The following PXN variants were observed in gnomAD, a reference collection of about 807,000 sequenced individuals.
The protein encoded by PXN is testicular tissue protein Li 134.
A neutral mutation model predicts 103.6 loss-of-function variants in PXN; 61 were observed. That is an observed-to-expected ratio of 0.59 (90% CI 0.48 to 0.73). The LOEUF (loss-of-function observed/expected upper bound fraction) is 0.73. Among genes scored for constraint, PXN ranks in the 30% least tolerant of loss-of-function variants. PXN has a pLI of 0.00. For synonymous variants in PXN, 562 were observed against 607.8 expected, an observed-to-expected ratio of 0.92 and a Z score of 1.11; for missense variants, 1,274 against 1,460.3, an observed-to-expected ratio of 0.87 and a Z score of 2.08.
chr12:120,221,588 G>C lies in PXN; in HGVS notation c.831+35C>G. ...GGGAGGAGAAGGATGAGGGAGGGGC[G>C]GCAGGGCAGGGAAGATGGAGGGTTC... On this transcript the variant is annotated intron_variant, in intron 6 of 14. Coordinates refer to ENST00000637617, the MANE Select transcript of PXN (RefSeq NM_001385981.1). The surrounding 1 kb of genome is among the most constrained non-coding windows in gnomAD (Gnocchi z 6.6). 1 of 1,540,794 alleles carries C rather than the reference G, an allele frequency of 6.5e-7. No homozygotes were observed.
At chr12:120,263,257 G>A (rs767594181) in intron 1 of PXN, among the ~76,000 whole-genome samples, 1 of 152,210 alleles carries the variant, frequency 6.6e-6, no homozygotes, top group Non-Finnish European at 1.5e-5. Flanking sequence ...CGGGGCCCCA[G>A]TGCAAAGGCA....
chr12:120,221,542 C>A lies in PXN; in HGVS notation c.831+81G>T. 6.9e-7 allele frequency: 1 copy of A among 1,443,250 alleles called. No homozygotes were observed. The highest frequency in any genetic ancestry group is 9.3e-7 in the Non-Finnish European group (1 of 1,073,598). 89.4% of individuals were successfully genotyped at this position (1,443,250 alleles called of 1,614,324 possible). ...ACCCAAACACTGAGATGCCAAGATC[C>A]AGCTACCCACACTGAGGTAAGGGAG... On this transcript the variant is annotated intron_variant, in intron 6 of 14. Coordinates refer to ENST00000637617, the MANE Select transcript of PXN (RefSeq NM_001385981.1). The surrounding 1 kb of genome is among the most constrained non-coding windows in gnomAD (Gnocchi z 6.6).
At chr12:120,254,726 A>G (rs537540884) in intron 1 of PXN, among the ~76,000 whole-genome samples, 2 of 151,790 alleles carry the variant, frequency 1.3e-5, no homozygotes, top group Non-Finnish European at 2.9e-5. Flanking sequence ...AATTTTTGTA[A>G]TTTTAGTAGA....
At position 120,215,853 on chromosome 12, in the gene PXN, A is replaced by G. The variant is rs1449284173; in HGVS notation, c.2302-192T>C. 6 of 1,306,320 alleles carry G rather than the reference A, an allele frequency of 4.6e-6. No individual in the cohort carries two copies. Among genetic ancestry groups the G allele is most frequent in the East Asian group, 2.7e-5 (1 of 36,942 alleles). The allele number at this position is 1,306,320 out of a possible 1,614,324, so 80.9% of individuals were successfully genotyped here. A position where few individuals can be genotyped will look rare whatever the true frequency, so the allele number is the denominator to read the frequency against. ...GAGAGAGGCCTAGGGAGAAAGGAAG[A>G]AGGACAGGGAGGGGAGTCGACCAAA... On this transcript the variant is annotated intron_variant, in intron 9 of 14. Coordinates refer to ENST00000637617, the MANE Select transcript of PXN (RefSeq NM_001385981.1). The surrounding 1 kb of genome is among the most constrained non-coding windows in gnomAD (Gnocchi z 4.9).
chr12:120,237,692 T>C (rs1412311091), intron 1 of PXN, among the ~76,000 whole-genome samples: 1 of 152,092 alleles, frequency 6.6e-6, no homozygotes, highest in Non-Finnish European at 1.5e-5. Context: ...TCCCTAGAAG[T>C]GTCTACCTCA....
At chr12:120,248,816 C>A (rs1891661400) in intron 1 of PXN, 1 of 152,138 alleles carries the variant, frequency 6.6e-6, no homozygotes, top group Admixed American at 6.6e-5. Flanking sequence ...ACAGTGGCTG[C>A]CACAGAGTGA....
At position 120,238,041 on chromosome 12, in the gene PXN, C is replaced by T. The variant is rs528341822; in HGVS notation, c.14-13664G>A. ...GGCAAGGCCAATTTCTCCGGAGGCC[C>T]GGAGCCTTGCCAACTCTCCGCATGG... On this transcript the variant is annotated intron_variant, in intron 1 of 14. Coordinates refer to ENST00000637617, the MANE Select transcript of PXN (RefSeq NM_001385981.1). Among the ~76,000 whole-genome samples the T allele has an allele frequency of 2.7e-4, 41 of 152,282 alleles. 1 individual carries two copies. Among genetic ancestry groups the T allele is most frequent in the Non-Finnish European group, 2.1e-4 (14 of 68,018 alleles).
At chr12:120,256,780 T>C (rs113716779) in intron 1 of PXN, among the ~76,000 whole-genome samples, 6,472 of 152,212 alleles carry the variant, frequency 0.043, 214 homozygotes, top group South Asian at 0.068. Context: ...TGCAGTGGCC[T>C]GATCTTGGCT....
intron 1 of PXN, among the ~76,000 whole-genome samples, chr12:120,235,259 C>T (rs972176311): frequency 3.9e-5 from 6 of 152,128 alleles, no homozygotes; most frequent in Non-Finnish European, 7.4e-5. Flanking sequence ...GCTCCTGCCA[C>T]GGAAGCTCTG....
At chr12:120,261,513 G>T (rs1424710576) in intron 1 of PXN, among the ~76,000 whole-genome samples, 1 of 152,008 alleles carries the variant, frequency 6.6e-6, no homozygotes, top group East Asian at 1.9e-4. Context: ...ATTAATGAAG[G>T]CACTGAGACT....
chr12:120,238,433 C>G (rs1386943814), intron 1 of PXN, among the ~76,000 whole-genome samples: 1 of 152,190 alleles, frequency 6.6e-6, no homozygotes, highest in Non-Finnish European at 1.5e-5. Flanking sequence ...CCAGGCTTGG[C>G]TGGCCTGGCC....
At chr12:120,250,257 C>T (rs992792424) in intron 1 of PXN, 15 of 927,086 alleles carry the variant, frequency 1.6e-5, no homozygotes, top group Admixed American at 6.2e-5. Flanking sequence ...GGGCAAAGCT[C>T]GGCCAGGACT....
chr12:120,218,748 C>T (rs986241898), intron 7 of PXN, among the ~76,000 whole-genome samples: 5 of 152,234 alleles, frequency 3.3e-5, no homozygotes, highest in African/African-American at 1.2e-4. Context: ...TGAGGGACCA[C>T]ATGCTGTGTT....
intron 1 of PXN, among the ~76,000 whole-genome samples, chr12:120,244,469 A>AC (rs1377747802): frequency 6.6e-6 from 1 of 151,610 alleles, no homozygotes; most frequent in African/African-American, 2.4e-5. Flanking sequence ...ACACGGTGAA[A>AC]CCCCGTCTCT....
At position 120,222,634 on chromosome 12, in the gene PXN, G is replaced by T; in HGVS notation, c.610C>A (p.Arg204=). 25 of 1,609,568 alleles carry T rather than the reference G, an allele frequency of 1.6e-5. No individual in the cohort carries two copies. The highest frequency in any genetic ancestry group is 2.1e-5 in the Non-Finnish European group (25 of 1,178,148). The stretch of plus-strand genomic sequence containing the variant: ...TCCTCCAGGCCCCGGCCCCCATTCC[G>T]CTTAGGCTTCTCTTTCGTCAGGGGC... The part of the protein sequence containing the change: ...AGPLTKEKPK[R]NGGRGLEDVR... The change falls in exon 5 of 15, where the codon CGG becomes AGG. Residue 204 remains arginine, a synonymous_variant. Coordinates refer to ENST00000637617, the MANE Select transcript of PXN (RefSeq NM_001385981.1). This position sits in a 1 kb window ranked among gnomAD's most constrained non-coding sequence, Gnocchi z 4.7.
rs1232925232 is a variant in PXN, at chr12:120,265,136, G to A, written c.13+481C>T. ...GTGGGGGGCGGCCCTGGAGGGACGG[G>A]GAGCAGGTCGAGGAAATGAGGGAGC... On this transcript the variant is annotated intron_variant, in intron 1 of 14. Coordinates refer to ENST00000637617, the MANE Select transcript of PXN (RefSeq NM_001385981.1). The surrounding 1 kb of genome is among the most constrained non-coding windows in gnomAD (Gnocchi z 5.7). Among the ~76,000 whole-genome samples, 1 of 151,732 alleles carries A rather than the reference G, an allele frequency of 6.6e-6. No homozygotes were observed. The highest frequency in any genetic ancestry group is 1.5e-5 in the Non-Finnish European group (1 of 67,912).
At chr12:120,255,005 A>AATGAGAAGGGAGTAG in intron 1 of PXN, among the ~76,000 whole-genome samples, 1 of 152,154 alleles carries the variant, frequency 6.6e-6, no homozygotes, top group Non-Finnish European at 1.5e-5. Context: ...GTGAAAAGGA[A>AATGAGAAGGGAGTAG]ATGAGAAGGG....
Position 120,219,433 on chromosome 12 carries a change from C to T in PXN, c.1490G>A (p.Gly497Glu). Residue 497 changes from glycine to glutamate, a missense_variant, in exon 7 of 15, where the codon GGG becomes GAG. Physicochemically the swap from Gly to Glu is moderately conservative, Grantham distance 98 (BLOSUM62 -2). Transcript: ENST00000637617. This position sits in a 1 kb window ranked among gnomAD's most constrained non-coding sequence, Gnocchi z 6.5. ...GGCAGGGGAGCTGCTTCCCAGCCTC[C>T]CTGGCTCTGGCCTTGGCCTCTCCTG... ...LQQERPRPEP[G>E]RLGSSSPASV... 6.3e-7 allele frequency: 1 copy of T among 1,598,112 alleles called. No homozygotes were observed. Among genetic ancestry groups the T allele is most frequent in the Non-Finnish European group, 8.5e-7 (1 of 1,179,530 alleles).
rs1175438455 is a variant in PXN, at chr12:120,216,936, CCTCCGCCGG to C, written c.1888_1896del (p.Pro630_Glu632del). The C allele has an allele frequency of 3.3e-6, 5 of 1,531,672 alleles. No homozygotes were observed. In the African/African-American group the frequency reaches 4.1e-5, roughly 13 times the overall value. 94.9% of individuals were successfully genotyped at this position (1,531,672 alleles called of 1,614,324 possible). A position where few individuals can be genotyped will look rare whatever the true frequency, so the allele number is the denominator to read the frequency against. On this transcript the variant is annotated inframe_deletion, in exon 8 of 15. Coordinates refer to ENST00000637617, the MANE Select transcript of PXN (RefSeq NM_001385981.1). The surrounding 1 kb of genome is among the most constrained non-coding windows in gnomAD (Gnocchi z 5.1). ...CAGTCCTGGGCAGAGGGCCCCGCCG[CCTCCGCCGG>C]CTCCTCTGCCTCAGGCTGGATGCCC...
Sources: allele counts gnomAD v4.1 joint callset (sites outside exome capture counted in the v4.1 genomes callset), GRCh38; gene constraint gnomAD v4.1.1; non-coding constraint Gnocchi (gnomAD v3.1); transcripts MANE v1.5; gene names NCBI Gene and HGNC (gene_info 2026-07-23, HGNC 2026-07-21).